Variants in MCUB observed in about 807,000 individuals in gnomAD.
MCUB encodes the protein mitochondrial calcium uniporter dominant negative subunit beta, also known as calcium uniporter regulatory subunit MCUb, mitochondrial.
MCUB carries 46 observed loss-of-function variants against 41.4 expected under a neutral mutation model. The ratio of observed to expected loss-of-function variants is 1.11; its 90% confidence interval spans 0.88 to 1.42. The LOEUF (loss-of-function observed/expected upper bound fraction) is 1.42. Ranked by LOEUF, MCUB falls within the 40% of genes most tolerant of loss-of-function variation. The pLI, the probability that MCUB is intolerant of heterozygous loss-of-function variation, is 0.00. For synonymous variants in MCUB, 148 were observed against 148.2 expected (o/e 1.00, Z 0.01); for missense variants, 403 against 404.9 (o/e 1.00, Z 0.04).
chr4:109,619,205 G>A (rs1728200612), intron 1 of MCUB, among the ~76,000 whole-genome samples: 2 of 151,980 alleles, frequency 1.3e-5, no homozygotes, highest in African/African-American at 4.8e-5. Flanking sequence ...CCTCCCGAGT[G>A]GCTGGGATTA....
intron 1 of MCUB, among the ~76,000 whole-genome samples, chr4:109,637,827 C>T (rs1728627985): frequency 6.6e-6 from 1 of 152,178 alleles, no homozygotes; most frequent in South Asian, 2.1e-4. Flanking sequence ...ACCAAAATTT[C>T]AGAAATCACC....
intron 1 of MCUB, among the ~76,000 whole-genome samples, chr4:109,613,560 C>G (rs1728065083): frequency 1.3e-5 from 2 of 152,172 alleles, no homozygotes; most frequent in Admixed American, 6.5e-5. Flanking sequence ...CTTGTTTCAT[C>G]AAAGTATGCA....
At position 109,685,373 on chromosome 4, in the gene MCUB, CT is replaced by C. The variant is rs758568547; in HGVS notation, c.933+7del. 1 of 1,197,174 alleles carries C rather than the reference CT, an allele frequency of 8.4e-7. No homozygotes were observed. The highest frequency in any genetic ancestry group is 1.2e-5 in the South Asian group (1 of 82,012). 74.2% of individuals were successfully genotyped at this position (1,197,174 alleles called of 1,614,324 possible). A position where few individuals can be genotyped will look rare whatever the true frequency, so the allele number is the denominator to read the frequency against. ...TAAAAGAAGACCTTGCTAAGGTATA[CT>C]ACAAATACATCTTATAGCTGGTTTG... On this transcript the variant is annotated splice_region_variant and intron_variant, in intron 7 of 7. Coordinates refer to ENST00000394650, the MANE Select transcript of MCUB (RefSeq NM_017918.5).
chr4:109,591,366 A>G (rs1183984876), intron 1 of MCUB, among the ~76,000 whole-genome samples: 1 of 151,172 alleles, frequency 6.6e-6, no homozygotes, highest in Non-Finnish European at 1.5e-5. Flanking sequence ...TTGTATTTTT[A>G]GTAGAAACAG....
chr4:109,675,544 T>G (rs1729556709), intron 4 of MCUB, among the ~76,000 whole-genome samples: 1 of 152,246 alleles, frequency 6.6e-6, no homozygotes, highest in Non-Finnish European at 1.5e-5. Context: ...GAAAATTTAC[T>G]GTTTATTCCA....
chr4:109,612,745 G>A (rs189368799), intron 1 of MCUB, among the ~76,000 whole-genome samples: 2 of 152,240 alleles, frequency 1.3e-5, no homozygotes, highest in Admixed American at 6.5e-5. Context: ...GAAGACCTGG[G>A]ATGACTTCCA....
chr4:109,567,396 C>T (rs1489663009), intron 1 of MCUB, among the ~76,000 whole-genome samples: 1 of 151,970 alleles, frequency 6.6e-6, no homozygotes, highest in Non-Finnish European at 1.5e-5. Context: ...GGGGCATGTA[C>T]AGTACATACA....
chr4:109,603,180 C>G (rs934578077), intron 1 of MCUB, among the ~76,000 whole-genome samples: 4 of 152,226 alleles, frequency 2.6e-5, no homozygotes, highest in Non-Finnish European at 5.9e-5. Context: ...GATCTCGGCT[C>G]ACTGCAACCT....
chr4:109,603,517 C>A (rs905654513), intron 1 of MCUB, among the ~76,000 whole-genome samples: 1 of 152,204 alleles, frequency 6.6e-6, no homozygotes, highest in Non-Finnish European at 1.5e-5. Flanking sequence ...CCGGCCGCCA[C>A]CCCGTCTAGG....
intron 1 of MCUB, among the ~76,000 whole-genome samples, chr4:109,571,102 G>T (rs1415675157): frequency 3.3e-5 from 5 of 152,224 alleles, no homozygotes; most frequent in African/African-American, 9.6e-5. Flanking sequence ...ATTGGCACAG[G>T]TGTTTATTCC....
intron 1 of MCUB, among the ~76,000 whole-genome samples, chr4:109,567,871 G>T (rs1441492224): frequency 6.6e-6 from 1 of 151,956 alleles, no homozygotes. Context: ...GCTAATTTTT[G>T]TATTTTTAGT....
chr4:109,679,546 C>T (rs1033245447), intron 4 of MCUB, among the ~76,000 whole-genome samples: 3 of 151,838 alleles, frequency 2.0e-5, no homozygotes, highest in African/African-American at 4.8e-5. Context: ...CTCAGCAGGC[C>T]GAGGCAGGGA....
intron 1 of MCUB, among the ~76,000 whole-genome samples, chr4:109,561,819 G>T (rs1726646247): frequency 6.6e-6 from 1 of 152,096 alleles, no homozygotes; most frequent in Non-Finnish European, 1.5e-5. Flanking sequence ...TGCGATCTCG[G>T]CTCACTGCAA....
chr4:109,654,589 C>G (rs185694304), intron 1 of MCUB, among the ~76,000 whole-genome samples: 1 of 151,328 alleles, frequency 6.6e-6, no homozygotes, highest in East Asian at 1.9e-4. Context: ...CCAGCCTGGG[C>G]GACAGAGCAA....
intron 1 of MCUB, among the ~76,000 whole-genome samples, chr4:109,639,956 A>G (rs1728679117): frequency 6.6e-6 from 1 of 152,238 alleles, no homozygotes; most frequent in Non-Finnish European, 1.5e-5. Flanking sequence ...TTGTATGAAG[A>G]GAGTCCACCA....
chr4:109,573,358 C>CA (rs1726957457), intron 1 of MCUB, among the ~76,000 whole-genome samples: 1 of 151,494 alleles, frequency 6.6e-6, no homozygotes, highest in Admixed American at 6.6e-5. Context: ...GAGGCTGCGG[C>CA]AGCAGAACCG....
chr4:109,574,337 T>G (rs1458309414), intron 1 of MCUB, among the ~76,000 whole-genome samples: 1 of 152,130 alleles, frequency 6.6e-6, no homozygotes, highest in East Asian at 1.9e-4. Flanking sequence ...CAAGAAAATT[T>G]TTGTATCCAT....
chr4:109,580,948 T>A (rs572091672), intron 1 of MCUB, among the ~76,000 whole-genome samples: 1 of 152,314 alleles, frequency 6.6e-6, no homozygotes, highest in South Asian at 2.1e-4. Context: ...AAAATGGCCA[T>A]ACTGCCCAAG....
intron 3 of MCUB, among the ~76,000 whole-genome samples, chr4:109,663,498 A>G (rs1729271207): frequency 6.6e-6 from 1 of 152,180 alleles, no homozygotes; most frequent in Non-Finnish European, 1.5e-5. Context: ...CTTCCACAAA[A>G]TAAACCATAC....
Sources: allele counts gnomAD v4.1 joint callset (sites outside exome capture counted in the v4.1 genomes callset), GRCh38; gene constraint gnomAD v4.1.1; transcripts MANE v1.5; gene names NCBI Gene and HGNC (gene_info 2026-07-23, HGNC 2026-07-21).